ESR2: variants seen among roughly 807,000 people sequenced by gnomAD.
ESR2 encodes estrogen receptor beta.
Under a neutral mutation model 49.6 loss-of-function variants are expected in ESR2, and 36 were observed. That is an observed-to-expected ratio of 0.73 (90% CI 0.56 to 0.96). The LOEUF (loss-of-function observed/expected upper bound fraction) is 0.96. Among genes scored for constraint, ESR2 ranks in the 40% least tolerant of loss-of-function variants. The pLI is 0.00. For synonymous variants in ESR2, 320 were observed against 266.1 expected, an observed-to-expected ratio of 1.20 and a Z score of -1.97; for missense variants, 714 against 693.0, an observed-to-expected ratio of 1.03 and a Z score of -0.34.
At chr14:64,332,103 C>T (rs1233183624) in intron 1 of ESR2, 3 of 152,198 alleles carry the variant, frequency 2.0e-5, no homozygotes, top group Non-Finnish European at 2.9e-5. Flanking sequence ...AGCTATTATA[C>T]ATCCAGCTAT....
In ESR2 at chr14:64,260,636, C is replaced by A; in HGVS notation, c.765G>T (p.Val255=). The change falls in exon 5 of 9, where the codon GTG becomes GTT. Residue 255 remains valine, a synonymous_variant. Transcript: ENST00000341099. ...AKRSGGHAPR[V]RELLLDALSP... ...TCAGGGCGTCCAGCAGCAGCTCCCGCACTCGGGGCGCGTGGCCGCCACTTC... is the reference window on the plus strand; with the variant it reads ...TCAGGGCGTCCAGCAGCAGCTCCCGAACTCGGGGCGCGTGGCCGCCACTTC... 6.2e-7 allele frequency: 1 copy of A among 1,610,066 alleles called. No individual in the cohort carries two copies. The highest frequency in any genetic ancestry group is 8.5e-7 in the Non-Finnish European group (1 of 1,178,096).
chr14:64,235,033 G>C lies in ESR2; in HGVS notation c.1343C>G (p.Ser448Cys). 1 of 1,614,230 alleles carries C rather than the reference G, an allele frequency of 6.2e-7. No homozygotes were observed. The highest frequency in any genetic ancestry group is 8.5e-7 in the Non-Finnish European group (1 of 1,180,038). ...AGCCAGGCGCATGGATTGCTGCTGG[G>C]AGGAGATGCCGCTCTTGGCAATCAC... ...VWVIAKSGIS[S>C]QQQSMRLANL... Residue 448 changes from serine (S) to cysteine (C), a missense_variant, in exon 8 of 9, where the codon TCC (serine) becomes TGC (cysteine). Transcript: ENST00000341099.
chr14:64,258,880 G>A (rs150327887), intron 5 of ESR2, among the ~76,000 whole-genome samples: 2 of 152,072 alleles, frequency 1.3e-5, no homozygotes, highest in Non-Finnish European at 2.9e-5. Context: ...TTTTTGGTTT[G>A]GACAATGACT....
In ESR2 at chr14:64,282,640, T is replaced by A. The variant is rs2076697838; in HGVS notation, c.346A>T (p.Thr116Ser). The change falls in exon 2 of 9, where the codon ACC becomes TCC. Residue 116 changes from threonine (T) to serine (S), a missense_variant. Thr to Ser is a moderately conservative substitution (Grantham distance 58). Coordinates refer to ENST00000341099, the MANE Select transcript of ESR2 (RefSeq NM_001437.3). ...PWCEARSLEH[T>S]LPVNRETLKR... ...TGGACTTACCTGTTTACAGGTAAGG[T>A]GTGTTCTAGCGATCTTGCTTCACAC... 1 of 1,603,488 alleles carries A rather than the reference T, an allele frequency of 6.2e-7. No individual in the cohort carries two copies. Among genetic ancestry groups the A allele is most frequent in the South Asian group, 1.1e-5 (1 of 90,792 alleles).
chr14:64,314,984 T>C (rs1163028636), intron 1 of ESR2, among the ~76,000 whole-genome samples: 4 of 150,458 alleles, frequency 2.7e-5, no homozygotes, highest in African/African-American at 4.9e-5. Context: ...CGGTGGCTCA[T>C]GCCTGTAATC....
intron 8 of ESR2, chr14:64,233,702 C>G (rs1477567087): frequency 5.2e-6 from 1 of 190,648 alleles, no homozygotes; most frequent in Non-Finnish European, 1.1e-5. Context: ...CAATACAAAA[C>G]CTTGTTTTAT....
At position 64,228,774 on chromosome 14, in the gene ESR2, T is replaced by C. The variant is rs1334227333; in HGVS notation, c.*4363A>G. On this transcript the variant is annotated 3_prime_UTR_variant, in exon 9 of 9. Transcript: ENST00000341099. ...ACCAGTGGCTGGCCCTACAAGTGAATAGGATCCTCGGAATTAAAAAACAAA... is the reference window on the plus strand; with the variant it reads ...ACCAGTGGCTGGCCCTACAAGTGAACAGGATCCTCGGAATTAAAAAACAAA... 1.3e-5 allele frequency among the ~76,000 whole-genome samples: 2 copies of C among 152,014 alleles called. No homozygotes were observed. The highest frequency in any genetic ancestry group is 2.9e-5 in the Non-Finnish European group (2 of 68,032).
At position 64,228,356 on chromosome 14, in the gene ESR2, T is replaced by C. The variant is rs1452255214; in HGVS notation, c.*4781A>G. 1.3e-5 allele frequency among the ~76,000 whole-genome samples: 2 copies of C among 152,214 alleles called. No homozygotes were observed. Among genetic ancestry groups the C allele is most frequent in the African/African-American group, 2.4e-5 (1 of 41,446 alleles). ...ATAATGAAACACTTTATTTATATCA[T>C]GTTAAACTCTCTACGACAGTGCCAT... is the stretch of plus-strand genomic sequence containing the variant. On this transcript the variant is annotated 3_prime_UTR_variant, in exon 9 of 9. Coordinates refer to ENST00000341099, the MANE Select transcript of ESR2 (RefSeq NM_001437.3).
At chr14:64,295,145 T>A (rs987803641), upstream of ESR2, among the ~76,000 whole-genome samples, 4 of 152,186 alleles carry the variant, frequency 2.6e-5, no homozygotes, top group African/African-American at 7.2e-5. Flanking sequence ...AAGGCAGCTG[T>A]TGCTGATGAA....
intron 5 of ESR2, chr14:64,260,055 C>A: frequency 2.2e-6 from 1 of 457,916 alleles, no homozygotes; most frequent in Non-Finnish European, 4.4e-6. Flanking sequence ...CACCTCTAGG[C>A]ATGAGAGGTG....
chr14:64,312,460 T>A (rs2077197840), intron 1 of ESR2, among the ~76,000 whole-genome samples: 1 of 152,032 alleles, frequency 6.6e-6, no homozygotes, highest in South Asian at 2.1e-4. Context: ...AGCAAGCAGA[T>A]CACTTGAAGT....
intron 1 of ESR2, chr14:64,335,799 T>C (rs1435682198): frequency 7.4e-6 from 1 of 134,396 alleles, no homozygotes; most frequent in African/African-American, 3.0e-5. Context: ...ATAAACACCT[T>C]TTTTTTTTTT....
downstream of ESR2, chr14:64,227,412 C>G (rs2098722430): frequency 8.6e-7 from 1 of 1,165,580 alleles, no homozygotes; most frequent in East Asian, 2.4e-5. Flanking sequence ...TAACTAACTT[C>G]AAAGTATTTT....
intron 1 of ESR2, among the ~76,000 whole-genome samples, chr14:64,321,937 A>G (rs1230628413): frequency 2.0e-5 from 3 of 152,210 alleles, no homozygotes; most frequent in Non-Finnish European, 4.4e-5. Flanking sequence ...CATGGGATGC[A>G]AAATCACCTA....
chr14:64,242,180 CG>C (rs983628143), intron 7 of ESR2, among the ~76,000 whole-genome samples: 69 of 152,070 alleles, frequency 4.5e-4, no homozygotes, highest in African/African-American at 1.6e-3. Context: ...GAGGCCAAGG[CG>C]GGTGGATCAC....
At chr14:64,322,873 A>G (rs1416459873) in intron 1 of ESR2, among the ~76,000 whole-genome samples, 1 of 152,244 alleles carries the variant, frequency 6.6e-6, no homozygotes, top group Non-Finnish European at 1.5e-5. Flanking sequence ...AAAAGAAGGA[A>G]ATAATTATAT....
At chr14:64,261,997 T>C (rs774071840) in intron 4 of ESR2, among the ~76,000 whole-genome samples, 7 of 152,312 alleles carry the variant, frequency 4.6e-5, no homozygotes, top group African/African-American at 9.6e-5. Flanking sequence ...TCAGAACCCA[T>C]TGGGCATTAA....
intron 1 of ESR2, among the ~76,000 whole-genome samples, chr14:64,317,372 C>T (rs2077268528): frequency 6.6e-6 from 1 of 152,214 alleles, no homozygotes; most frequent in African/African-American, 2.4e-5. Flanking sequence ...TGCGGGGCAT[C>T]TGCTCAGCTT....
chr14:64,273,230 C>T (rs547991908), intron 3 of ESR2, among the ~76,000 whole-genome samples: 13 of 152,054 alleles, frequency 8.5e-5, no homozygotes, highest in African/African-American at 3.1e-4. Context: ...TGGAATTTTT[C>T]AATTTTTCCA....
Sources: gnomAD v4.1 joint callset for allele counts (sites outside exome capture counted in the v4.1 genomes callset) on GRCh38, gnomAD v4.1.1 for gene constraint, MANE v1.5 for transcripts, NCBI Gene and HGNC (gene_info 2026-07-23, HGNC 2026-07-21) for gene names.